Variants in MRTFB observed in about 807,000 individuals in gnomAD.
MRTFB encodes the protein myocardin-related transcription factor B.
A neutral mutation model predicts 104.2 loss-of-function variants in MRTFB; 29 were observed. That is an observed-to-expected ratio of 0.28 (90% CI 0.21 to 0.38). MRTFB has a LOEUF of 0.38. MRTFB is among the 10% of genes least tolerant of loss of function. The pLI, the probability that MRTFB is intolerant of heterozygous loss-of-function variation, is 1.00. For missense variants in MRTFB, 1,270 were observed against 1,341.6 expected (o/e 0.95, Z 0.83); for synonymous variants, 535 against 519.5 (o/e 1.03, Z -0.41).
At chr16:14,195,197 C>T (rs1230088355) in intron 3 of MRTFB, among the ~76,000 whole-genome samples, 1 of 152,152 alleles carries the variant, frequency 6.6e-6, no homozygotes, top group Non-Finnish European at 1.5e-5. Context: ...GAACTTTTCT[C>T]CACATACTAC....
intron 1 of MRTFB, among the ~76,000 whole-genome samples, chr16:14,077,973 A>C (rs2034165282): frequency 6.6e-6 from 1 of 152,208 alleles, no homozygotes; most frequent in South Asian, 2.1e-4. Context: ...CCTGGCGTTC[A>C]AGGCCCCCTC....
chr16:14,224,387 TTAC>T (rs1296939695), intron 8 of MRTFB, among the ~76,000 whole-genome samples: 2 of 152,344 alleles, frequency 1.3e-5, no homozygotes, highest in Admixed American at 6.5e-5. Flanking sequence ...AATGGTTTTT[TTAC>T]TACATTTACA....
At chr16:14,136,019 C>T (rs2037699745) in intron 2 of MRTFB, among the ~76,000 whole-genome samples, 2 of 152,272 alleles carry the variant, frequency 1.3e-5, no homozygotes, top group Admixed American at 1.3e-4. Flanking sequence ...GCCTGTAATT[C>T]CAGCACTTTG....
chr16:14,028,045 T>A, the MRTFB span, among the ~76,000 whole-genome samples: 2 of 152,058 alleles, frequency 1.3e-5, no homozygotes, highest in African/African-American at 4.8e-5. Context: ...GGCATGGTGG[T>A]GCACACCTGT....
upstream of MRTFB, among the ~76,000 whole-genome samples, chr16:14,069,255 G>A (rs941195704): frequency 3.3e-5 from 5 of 152,148 alleles, no homozygotes; most frequent in African/African-American, 1.2e-4. Context: ...ACAGGCATGA[G>A]CCACTGCGCC....
chr16:14,093,264 T>G (rs2035185404), intron 2 of MRTFB, among the ~76,000 whole-genome samples: 2 of 152,128 alleles, frequency 1.3e-5, no homozygotes, highest in South Asian at 4.1e-4. Context: ...TTTTACAAAT[T>G]AAAGCATAAA....
Position 14,261,644 on chromosome 16 carries a change from CAT to C in MRTFB, c.*202_*203del. 1.8e-6 allele frequency: 1 copy of C among 562,222 alleles called. No homozygotes were observed. The highest frequency in any genetic ancestry group is 3.0e-6 in the Non-Finnish European group (1 of 327,878). The allele number at this position is 562,222 out of a possible 1,614,324, so 34.8% of individuals were successfully genotyped here. A position where few individuals can be genotyped will look rare whatever the true frequency, so the allele number is the denominator to read the frequency against. On this transcript the variant is annotated 3_prime_UTR_variant, in exon 17 of 17. Coordinates refer to ENST00000571589, the MANE Select transcript of MRTFB (RefSeq NM_001308142.2). ...TCAGTAGTGAATTTCTACAGTTTAA[CAT>C]AGCACAGGGCCTTCTGAAAATCGCA...
chr16:13,996,190 T>G, the MRTFB span, among the ~76,000 whole-genome samples: 1 of 152,006 alleles, frequency 6.6e-6, no homozygotes, highest in East Asian at 1.9e-4. Flanking sequence ...GAGAATCACT[T>G]GAACCCAGGA....
intron 8 of MRTFB, among the ~76,000 whole-genome samples, chr16:14,229,640 G>T (rs2042168694): frequency 6.6e-6 from 1 of 152,208 alleles, no homozygotes; most frequent in Admixed American, 6.5e-5. Flanking sequence ...GCTTTAATCA[G>T]CTGAGAGGTT....
rs149446747 is a variant in MRTFB at position 14,086,532 on chromosome 16, G to A, written c.-64+7178G>A. 1.4e-4 allele frequency among the ~76,000 whole-genome samples: 21 copies of A among 152,234 alleles called. 1 individual carries two copies. In the East Asian group the frequency reaches 3.3e-3, roughly 24 times the overall value. ...AAATAATTGAGTCTTCAATAGTAGAGTCTAAATTAATGAAGTTTTTTTAGA... is the reference window on the plus strand; with the variant it reads ...AAATAATTGAGTCTTCAATAGTAGAATCTAAATTAATGAAGTTTTTTTAGA... On this transcript the variant is annotated intron_variant, in intron 2 of 16. Coordinates refer to ENST00000571589, the MANE Select transcript of MRTFB (RefSeq NM_001308142.2).
At chr16:14,204,800 G>A (rs536574266) in intron 3 of MRTFB, among the ~76,000 whole-genome samples, 11 of 152,266 alleles carry the variant, frequency 7.2e-5, no homozygotes, top group East Asian at 1.9e-4. Context: ...TGGTTAATAC[G>A]TGAGGAAATT....
chr16:14,075,480 G>A (rs1474295463), intron 1 of MRTFB, among the ~76,000 whole-genome samples: 1 of 152,238 alleles, frequency 6.6e-6, no homozygotes, highest in African/African-American at 2.4e-5. Flanking sequence ...CACGGGACCA[G>A]ATCTGTGGCT....
the MRTFB span, among the ~76,000 whole-genome samples, chr16:14,033,549 A>C: frequency 6.6e-6 from 1 of 151,784 alleles, no homozygotes; most frequent in Non-Finnish European, 1.5e-5. Flanking sequence ...CAAAATAATA[A>C]TAATAGACCA....
At chr16:14,083,081 A>G (rs2034505275) in intron 2 of MRTFB, among the ~76,000 whole-genome samples, 1 of 151,666 alleles carries the variant, frequency 6.6e-6, no homozygotes, top group Non-Finnish European at 1.5e-5. Flanking sequence ...CCTTGGTTCA[A>G]TTTATTTCTA....
the MRTFB span, among the ~76,000 whole-genome samples, chr16:14,017,056 C>CTTTTT: frequency 7.2e-5 from 9 of 125,406 alleles, no homozygotes; most frequent in African/African-American, 2.4e-4. Context: ...CAGTCTTCTT[C>CTTTTT]TTTTTTTTTT....
intron 15 of MRTFB, among the ~76,000 whole-genome samples, chr16:14,256,546 C>T (rs923752008): frequency 6.6e-6 from 1 of 152,200 alleles, no homozygotes; most frequent in African/African-American, 2.4e-5. Context: ...AGCTGTCATG[C>T]CATGTGGACA....
chr16:14,104,505 A>G (rs1169096746), intron 2 of MRTFB, among the ~76,000 whole-genome samples: 1 of 152,210 alleles, frequency 6.6e-6, no homozygotes, highest in Non-Finnish European at 1.5e-5. Context: ...CTCTTCCTGT[A>G]GCAGAGCCTT....
At chr16:13,996,643 A>T in the MRTFB span, among the ~76,000 whole-genome samples, 1 of 152,222 alleles carries the variant, frequency 6.6e-6, no homozygotes, top group Non-Finnish European at 1.5e-5. Flanking sequence ...ATATTAATGA[A>T]ATAATCACCT....
the MRTFB span, among the ~76,000 whole-genome samples, chr16:14,036,296 T>TTATATATATATATATATATATA: frequency 1.3e-3 from 128 of 98,298 alleles, 2 homozygotes; most frequent in South Asian, 2.7e-3. Context: ...TTATATATAT[T>TTATATATATATATATATATATA]TATATATATA....
Sources: allele counts gnomAD v4.1 joint callset (sites outside exome capture counted in the v4.1 genomes callset), GRCh38; gene constraint gnomAD v4.1.1; transcripts MANE v1.5; gene names NCBI Gene and HGNC (gene_info 2026-07-23, HGNC 2026-07-21).